The following LRRC8B variants were observed in gnomAD, a reference collection of about 807,000 sequenced individuals.
LRRC8B encodes the protein leucine rich repeat containing 8 VRAC subunit B, also known as volume-regulated anion channel subunit LRRC8B.
LRRC8B carries 23 observed loss-of-function variants against 58.8 expected under a neutral mutation model. The ratio of observed to expected loss-of-function variants is 0.39; its 90% CI spans 0.28 to 0.55. LRRC8B has a LOEUF of 0.55. Ranked by LOEUF, LRRC8B falls within the 20% of genes least tolerant of loss-of-function variation. LRRC8B has a pLI of 0.62. For synonymous variants in LRRC8B, 359 were observed against 374.1 expected, an observed-to-expected ratio of 0.96 and a Z score of 0.47; for missense variants, 694 against 936.0, an observed-to-expected ratio of 0.74 and a Z score of 3.37.
intron 1 of LRRC8B, among the ~76,000 whole-genome samples, chr1:89,539,230 G>A (rs1412278471): frequency 6.6e-6 from 1 of 152,084 alleles, no homozygotes; most frequent in East Asian, 1.9e-4. Context: ...TTCCTAATCA[G>A]TGAAAGGCCC....
chr1:89,582,157 C>T (rs1304541532), intron 4 of LRRC8B, among the ~76,000 whole-genome samples: 1 of 149,866 alleles, frequency 6.7e-6, no homozygotes, highest in Non-Finnish European at 1.5e-5. Flanking sequence ...TTTCAGAGGC[C>T]AAGCAGGGAG....
At position 89,582,813 on chromosome 1, in the gene LRRC8B, T is replaced by C; in HGVS notation, c.163T>C (p.Cys55Arg). Reference protein sequence around the residue: ...LQLTQSRVLCCLPCKVEFDNH... With the variant: ...LQLTQSRVLCRLPCKVEFDNH... ...GCTGACGCAGAGCAGGGTTCTGTGC[T>C]GTCTTCCATGCAAAGTGGAATTTGA... Residue 55 changes from cysteine to arginine, a missense_variant, in exon 5 of 6, where the codon TGT becomes CGT. By Grantham distance (180) the Cys-to-Arg change is radical. Coordinates refer to ENST00000330947, the MANE Select transcript of LRRC8B (RefSeq NM_001369817.2). 1 of 1,614,228 alleles carries C rather than the reference T, an allele frequency of 6.2e-7. No individual in the cohort carries two copies. The highest frequency in any genetic ancestry group is 8.5e-7 in the Non-Finnish European group (1 of 1,180,038).
At chr1:89,592,003 C>T (rs890766020) in intron 5 of LRRC8B, among the ~76,000 whole-genome samples, 6 of 152,224 alleles carry the variant, frequency 3.9e-5, no homozygotes, top group African/African-American at 1.4e-4. Flanking sequence ...GGAGGTCTTT[C>T]CTCAATAAAC....
chr1:89,560,398 T>TA (rs1455802697), intron 1 of LRRC8B, among the ~76,000 whole-genome samples: 1 of 151,964 alleles, frequency 6.6e-6, no homozygotes, highest in Non-Finnish European at 1.5e-5. Context: ...TCTTTTTTTT[T>TA]TTAATACTTT....
chr1:89,572,285 T>C (rs777462407), intron 3 of LRRC8B, among the ~76,000 whole-genome samples: 5 of 152,204 alleles, frequency 3.3e-5, no homozygotes, highest in Non-Finnish European at 5.9e-5. Context: ...ATTTTGTCTT[T>C]CATTTCAACC....
At chr1:89,557,220 G>A (rs1023986819) in intron 1 of LRRC8B, among the ~76,000 whole-genome samples, 3 of 151,978 alleles carry the variant, frequency 2.0e-5, no homozygotes, top group Non-Finnish European at 2.9e-5. Context: ...CTTTTTTGAA[G>A]CGTTCTTTTT....
intron 3 of LRRC8B, among the ~76,000 whole-genome samples, chr1:89,574,747 CTCCTCTACCCAGCAAAAGACCAGT>C (rs1653720730): frequency 6.6e-6 from 1 of 152,134 alleles, no homozygotes; most frequent in Non-Finnish European, 1.5e-5. Context: ...TCATCCCCAG[CTCCTCTACCCAGCAAAAGACCAGT>C]TCCTCTACCC....
chr1:89,582,736 A>G lies in LRRC8B; in HGVS notation c.86A>G (p.Tyr29Cys). The G allele has an allele frequency of 1.2e-6, 2 of 1,614,178 alleles. No homozygotes were observed. The highest frequency in any genetic ancestry group is 1.7e-6 in the Non-Finnish European group (2 of 1,180,026). ...ILKPWWDVFW[Y>C]YITLIMLLVA... ...AAACCATGGTGGGACGTCTTCTGGT[A>G]TTACATCACACTGATCATGCTGCTG... Residue 29 changes from tyrosine to cysteine, a missense_variant, in exon 5 of 6, where the codon TAT becomes TGT. Physicochemically the swap from Tyr to Cys is radical, Grantham distance 194 (BLOSUM62 -2). Coordinates refer to ENST00000330947, the MANE Select transcript of LRRC8B (RefSeq NM_001369817.2).
chr1:89,525,436 C>G (rs1057337883), intron 1 of LRRC8B, among the ~76,000 whole-genome samples: 1 of 152,244 alleles, frequency 6.6e-6, no homozygotes, highest in African/African-American at 2.4e-5. Flanking sequence ...CGCAACTCCC[C>G]TGAGGGTGCC....
chr1:89,593,028 C>T lies in LRRC8B; in HGVS notation c.2397C>T (p.Cys799=), dbSNP rs747113893. 8 of 1,611,928 alleles carry T rather than the reference C, an allele frequency of 5.0e-6. No individual in the cohort carries two copies. The East Asian group carries it at 1.6e-4, about 31-fold the overall frequency. ...PLPVTERLQT[C]LDKC ...CTGTAACAGAACGTTTACAGACGTG[C>T]TTAGACAAATGTTGACTTAAAGAAA... The change falls in exon 6 of 6, where the codon TGC becomes TGT. Residue 799 remains cysteine, a synonymous_variant. Coordinates refer to ENST00000330947, the MANE Select transcript of LRRC8B (RefSeq NM_001369817.2).
chr1:89,591,835 C>A (rs61801424), intron 5 of LRRC8B, among the ~76,000 whole-genome samples: 1 of 151,920 alleles, frequency 6.6e-6, no homozygotes, highest in Admixed American at 6.6e-5. Flanking sequence ...TACATTATTT[C>A]ATAGTTTTTG....
intron 5 of LRRC8B, among the ~76,000 whole-genome samples, chr1:89,587,160 T>A (rs372434591): frequency 1.1e-4 from 17 of 152,258 alleles, no homozygotes; most frequent in African/African-American, 3.9e-4. Context: ...ATTTTCTTAT[T>A]AATAAAGCTC....
chr1:89,554,751 A>G (rs1387481252), intron 1 of LRRC8B, among the ~76,000 whole-genome samples: 1 of 152,206 alleles, frequency 6.6e-6, no homozygotes, highest in Non-Finnish European at 1.5e-5. Flanking sequence ...AACAGATGGT[A>G]TTGTCAAATA....
rs1418225719 is a variant in LRRC8B, at chr1:89,568,439, G to A, written c.-179G>A. ...TAATATGCTTGTGATTTCTCCTTAG[G>A]AATTTTTCAAATTGAGACTAATTGC... On this transcript the variant is annotated splice_region_variant and 5_prime_UTR_variant, in exon 3 of 6. Transcript: ENST00000330947. 6.6e-6 allele frequency: 1 copy of A among 152,098 alleles called. No homozygotes were observed. Among genetic ancestry groups the A allele is most frequent in the African/African-American group, 2.4e-5 (1 of 41,428 alleles). 9.4% of individuals were successfully genotyped at this position (152,098 alleles called of 1,614,324 possible).
At chr1:89,546,200 G>T (rs1421810325) in intron 1 of LRRC8B, among the ~76,000 whole-genome samples, 1 of 152,156 alleles carries the variant, frequency 6.6e-6, no homozygotes, top group Non-Finnish European at 1.5e-5. Context: ...ATTTGATGGT[G>T]GGGGAGGATT....
At chr1:89,541,516 C>G (rs970142607) in intron 1 of LRRC8B, among the ~76,000 whole-genome samples, 11 of 151,392 alleles carry the variant, frequency 7.3e-5, no homozygotes, top group Admixed American at 7.2e-4. Flanking sequence ...TCGAGACCAT[C>G]CCGGCTAAAA....
intron 4 of LRRC8B, among the ~76,000 whole-genome samples, chr1:89,580,037 C>T (rs1285789981): frequency 7.2e-5 from 11 of 152,248 alleles, no homozygotes; most frequent in Admixed American, 7.2e-4. Flanking sequence ...AGTTCGATGA[C>T]TTTCCACCAC....
Position 89,544,372 on chromosome 1 carries a change from G to A in LRRC8B, c.-241+19350G>A, listed in dbSNP as rs184305754. Among the ~76,000 whole-genome samples the A allele has an allele frequency of 2.9e-3, 444 of 152,186 alleles. 3 individuals carry two copies. In the Middle Eastern group the frequency reaches 0.037, roughly 13 times the overall value. On this transcript the variant is annotated intron_variant, in intron 1 of 5. Transcript: ENST00000330947. ...TGGGTGCTTTATTGTCAGTGTGCTG[G>A]GAATTTTGGAATGTTCTCTGTGTAT...
chr1:89,564,779 A>G (rs148984322), intron 1 of LRRC8B, among the ~76,000 whole-genome samples: 61 of 152,340 alleles, frequency 4.0e-4, no homozygotes, highest in African/African-American at 1.4e-3. Flanking sequence ...CTAAAGAAGC[A>G]TGAAGGACTA....
Sources: allele counts gnomAD v4.1 joint callset (sites outside exome capture counted in the v4.1 genomes callset), GRCh38; gene constraint gnomAD v4.1.1; transcripts MANE v1.5; gene names NCBI Gene and HGNC (gene_info 2026-07-23, HGNC 2026-07-21).